The following FUCA1 variants were observed in gnomAD, a reference collection of about 807,000 sequenced individuals.
FUCA1 encodes the protein alpha-L-fucosidase 1.
In FUCA1, 52 loss-of-function variants were observed where a neutral mutation model predicts 56.8. The ratio of observed to expected loss-of-function variants is 0.92; its 90% confidence interval spans 0.73 to 1.15. FUCA1 has a LOEUF of 1.15. Among genes scored for constraint, FUCA1 ranks in the 50% most tolerant of loss-of-function variants. FUCA1 has a pLI of 0.00. For synonymous variants in FUCA1, 230 were observed against 226.6 expected (o/e 1.02, Z -0.14); for missense variants, 568 against 592.6 (o/e 0.96, Z 0.43).
chr1:23,853,140 ATGTGAGGAGCGCCTCTGCCCG>A, intron 5 of FUCA1, among the ~76,000 whole-genome samples: 1 of 138,802 alleles, frequency 7.2e-6, no homozygotes, highest in Non-Finnish European at 1.5e-5. Context: ...CCCGTCTGGG[ATGTGAGGAGCGCCTCTGCCCG>A]GCCGCGACCC....
intron 3 of FUCA1, among the ~76,000 whole-genome samples, chr1:23,860,354 T>C (rs1335827784): frequency 3.3e-5 from 5 of 151,800 alleles, no homozygotes; most frequent in African/African-American, 2.4e-5. Flanking sequence ...GAGGCCGAGA[T>C]GGGCGGATCA....
At chr1:23,848,568 G>A (rs968167357) in intron 6 of FUCA1, 81 bp downstream of exon 6, 1 of 1,363,986 alleles carries the variant, frequency 7.3e-7, no homozygotes, top group Admixed American at 1.7e-5. Context: ...AGCCTGGCTT[G>A]TGACATTGTG....
Position 23,867,628 on chromosome 1 carries a change from T to C in FUCA1, c.389+270A>G, listed in dbSNP as rs1639651670. ...TCTGAAAGGGACATCAGGTATGGCC[T>C]AACTCAGCCCTCTCGGTGCACAGGT... On this transcript the variant is annotated intron_variant, in intron 1 of 7. Transcript: ENST00000374479. The surrounding 1 kb of genome is among the most constrained non-coding windows in gnomAD (Gnocchi z 4.9). The C allele has an allele frequency of 2.6e-5, 19 of 740,336 alleles. No individual in the cohort carries two copies. Among genetic ancestry groups the C allele is most frequent in the Non-Finnish European group, 3.1e-5 (19 of 606,156 alleles). 45.9% of individuals were successfully genotyped at this position (740,336 alleles called of 1,614,324 possible).
At chr1:23,849,558 C>T (rs569063794) in intron 5 of FUCA1, among the ~76,000 whole-genome samples, 166 of 146,546 alleles carry the variant, frequency 1.1e-3, no homozygotes, top group African/African-American at 4.0e-3. Context: ...GGGAAAACTG[C>T]TATAAAGAGA....
intron 6 of FUCA1, among the ~76,000 whole-genome samples, chr1:23,847,594 G>C (rs1377777685): frequency 3.3e-5 from 5 of 152,172 alleles, no homozygotes; most frequent in African/African-American, 9.7e-5. Flanking sequence ...AGAAAGACCT[G>C]AGTGGACATG....
At chr1:23,859,745 C>T (rs1639467759) in intron 4 of FUCA1, 53 bp downstream of exon 4, 1 of 1,199,534 alleles carries the variant, frequency 8.3e-7, no homozygotes, top group Non-Finnish European at 1.2e-6. Context: ...AGTTTGGCTC[C>T]TTGCACTTTC....
Position 23,867,885 on chromosome 1 carries a change from G to C in FUCA1, c.389+13C>G. 6 of 1,543,490 alleles carry C rather than the reference G, an allele frequency of 3.9e-6. No homozygotes were observed. Among genetic ancestry groups the C allele is most frequent in the Non-Finnish European group, 5.2e-6 (6 of 1,145,066 alleles). On this transcript the variant is annotated intron_variant, in intron 1 of 7. Coordinates refer to ENST00000374479, the MANE Select transcript of FUCA1 (RefSeq NM_000147.5). The surrounding 1 kb of genome is among the most constrained non-coding windows in gnomAD (Gnocchi z 4.9). ...AGCCGGGAAGGGGCGCCGCTCCCCG[G>C]GACCACACTCACTTGGCGCCCGCGG... is the stretch of plus-strand genomic sequence containing the variant.
chr1:23,850,545 G>T (rs554727863), intron 5 of FUCA1, among the ~76,000 whole-genome samples: 1 of 151,760 alleles, frequency 6.6e-6, no homozygotes, highest in Non-Finnish European at 1.5e-5. Context: ...GTGCAGTGGC[G>T]CAATCTCAGC....
chr1:23,852,688 G>T (rs1570677306), intron 5 of FUCA1, among the ~76,000 whole-genome samples: 1 of 152,086 alleles, frequency 6.6e-6, no homozygotes, highest in East Asian at 1.9e-4. Flanking sequence ...GTGTTGGCCG[G>T]GCTGGTCTCC....
At chr1:23,860,102 A>C (rs1639476124) in intron 3 of FUCA1, among the ~76,000 whole-genome samples, 199 bp from the exon 4 acceptor site, 1 of 152,202 alleles carries the variant, frequency 6.6e-6, no homozygotes, top group Non-Finnish European at 1.5e-5. Context: ...AAGCCTCCTG[A>C]GTAGTTGGGA....
At chr1:23,861,300 G>A (rs1278944926) in intron 3 of FUCA1, among the ~76,000 whole-genome samples, 1 of 139,440 alleles carries the variant, frequency 7.2e-6, no homozygotes, top group Non-Finnish European at 1.5e-5. Flanking sequence ...TCCAGCCTGG[G>A]CGACGGAGCG....
intron 2 of FUCA1, among the ~76,000 whole-genome samples, chr1:23,864,139 T>C (rs1173648039): frequency 1.4e-5 from 2 of 146,928 alleles, no homozygotes; most frequent in Non-Finnish European, 3.0e-5. Context: ...CAGGCTGGAG[T>C]GCAGTGGCGC....
intron 2 of FUCA1, among the ~76,000 whole-genome samples, chr1:23,864,944 C>T (rs1639593585): frequency 6.6e-6 from 1 of 152,034 alleles, no homozygotes; most frequent in South Asian, 2.1e-4. Flanking sequence ...ACCTCATGAT[C>T]TGCTTGCCTC....
At chr1:23,846,862 G>A (rs749848453) in intron 6 of FUCA1, among the ~76,000 whole-genome samples, 5 of 152,116 alleles carry the variant, frequency 3.3e-5, no homozygotes, top group African/African-American at 4.8e-5. Flanking sequence ...GATTACAGGC[G>A]TGAGTCACTG....
intron 6 of FUCA1, 92 bp downstream of exon 6, chr1:23,848,557 C>T: frequency 2.3e-6 from 3 of 1,280,332 alleles, no homozygotes; most frequent in South Asian, 2.4e-5. Flanking sequence ...AGGCAACTTC[C>T]AGCCTGGCTT....
chr1:23,857,042 C>T (rs1325627468), intron 4 of FUCA1, among the ~76,000 whole-genome samples: 1 of 151,730 alleles, frequency 6.6e-6, no homozygotes, highest in Non-Finnish European at 1.5e-5. Context: ...GGCTGTCTAG[C>T]TAGTCATGCT....
intron 5 of FUCA1, among the ~76,000 whole-genome samples, chr1:23,849,233 G>A (rs1279059916): frequency 1.3e-5 from 2 of 152,160 alleles, no homozygotes; most frequent in Non-Finnish European, 2.9e-5. Context: ...TGATCTGCCT[G>A]CCTTGGCCTC....
chr1:23,845,895 A>G (rs943727636), intron 7 of FUCA1, 40 bp from the exon 8 acceptor site: 28 of 1,612,392 alleles, frequency 1.7e-5, no homozygotes, highest in African/African-American at 2.7e-5. Flanking sequence ...CTGGTAATGC[A>G]CTAATGAGTA....
intron 1 of FUCA1, among the ~76,000 whole-genome samples, chr1:23,866,603 T>C (rs1181870492): frequency 6.6e-6 from 1 of 152,216 alleles, no homozygotes; most frequent in Non-Finnish European, 1.5e-5. Context: ...CTCTGTAGTG[T>C]ATTCTTCTTT....
Sources: allele counts gnomAD v4.1 joint callset (sites outside exome capture counted in the v4.1 genomes callset), GRCh38; gene constraint gnomAD v4.1.1; non-coding constraint Gnocchi (gnomAD v3.1); transcripts MANE v1.5; gene names NCBI Gene and HGNC (gene_info 2026-07-23, HGNC 2026-07-21).